The following GDPD4 variants were observed in gnomAD, a reference collection of about 807,000 sequenced individuals.
GDPD4 encodes glycerophosphodiester phosphodiesterase domain containing 4.
In GDPD4, 60 loss-of-function variants were observed where a neutral mutation model predicts 67.8. The ratio of observed to expected loss-of-function variants is 0.88; its 90% CI spans 0.72 to 1.10. The LOEUF is 1.10. Ranked by LOEUF, GDPD4 falls within the 50% of genes least tolerant of loss-of-function variation. GDPD4 has a pLI of 0.00. For missense variants in GDPD4, 623 were observed against 613.9 expected (o/e 1.01, Z -0.16); for synonymous variants, 212 against 210.9 (o/e 1.00, Z -0.04).
At chr11:77,243,460 G>C (rs1213822772) in intron 13 of GDPD4, among the ~76,000 whole-genome samples, 3 of 141,824 alleles carry the variant, frequency 2.1e-5, no homozygotes, top group South Asian at 4.7e-4. Context: ...GTACACAGCA[G>C]AGGCTAAAGT....
intron 14 of GDPD4, among the ~76,000 whole-genome samples, chr11:77,230,231 G>A (rs187183582): frequency 3.7e-4 from 57 of 152,226 alleles, no homozygotes; most frequent in African/African-American, 1.3e-3. Flanking sequence ...GCTCCAAGAG[G>A]CCTACCAGAT....
At chr11:77,279,672 T>C (rs965544825) in intron 3 of GDPD4, among the ~76,000 whole-genome samples, 1 of 152,074 alleles carries the variant, frequency 6.6e-6, no homozygotes, top group Non-Finnish European at 1.5e-5. Flanking sequence ...CTTTTAAAAA[T>C]TAACATAACA....
intron 1 of GDPD4, among the ~76,000 whole-genome samples, chr11:77,287,761 T>C (rs534902258): frequency 6.6e-6 from 1 of 152,314 alleles, no homozygotes; most frequent in East Asian, 1.9e-4. Flanking sequence ...AATATGCTGT[T>C]GAAATAACTT....
chr11:77,282,375 C>G (rs1959794031), intron 3 of GDPD4, among the ~76,000 whole-genome samples: 1 of 152,062 alleles, frequency 6.6e-6, no homozygotes, highest in Non-Finnish European at 1.5e-5. Context: ...GAACACAGGG[C>G]TGGGTGCGGT....
intron 16 of GDPD4, chr11:77,224,398 A>G (rs1958286891): frequency 6.6e-6 from 1 of 152,118 alleles, no homozygotes; most frequent in Non-Finnish European, 1.5e-5. Flanking sequence ...TAATTACTCC[A>G]ATGATTTACA....
intron 16 of GDPD4, among the ~76,000 whole-genome samples, chr11:77,220,375 T>A (rs1958204483): frequency 1.3e-5 from 2 of 152,210 alleles, no homozygotes; most frequent in South Asian, 4.1e-4. Context: ...TTGAGATATG[T>A]CCCATCAATA....
At chr11:77,294,295 T>C (rs574707680) in intron 1 of GDPD4, among the ~76,000 whole-genome samples, 2 of 152,360 alleles carry the variant, frequency 1.3e-5, no homozygotes, top group Admixed American at 6.5e-5. Context: ...CTGTCTGTAC[T>C]ATCTTTGTAA....
intron 10 of GDPD4, among the ~76,000 whole-genome samples, chr11:77,259,688 G>A (rs114609681): frequency 2.8e-3 from 423 of 152,166 alleles, no homozygotes; most frequent in African/African-American, 9.2e-3. Flanking sequence ...GCTGAAATGA[G>A]AAGAAAGAGA....
At chr11:77,221,695 G>T (rs1280237814) in intron 16 of GDPD4, among the ~76,000 whole-genome samples, 4 of 152,166 alleles carry the variant, frequency 2.6e-5, no homozygotes, top group Non-Finnish European at 4.4e-5. Flanking sequence ...GTGCTGAGAA[G>T]AATGTATATT....
intron 13 of GDPD4, among the ~76,000 whole-genome samples, chr11:77,240,878 T>C (rs1431171095): frequency 6.6e-6 from 1 of 152,124 alleles, no homozygotes; most frequent in African/African-American, 2.4e-5. Flanking sequence ...AGGAGATATC[T>C]CACACCTCTC....
At chr11:77,289,628 G>A (rs987502184) in intron 1 of GDPD4, among the ~76,000 whole-genome samples, 1 of 151,232 alleles carries the variant, frequency 6.6e-6, no homozygotes, top group Admixed American at 6.6e-5. Flanking sequence ...TTACTTGCGA[G>A]GCTGAGGCAG....
At chr11:77,279,029 T>C (rs1221711619) in intron 4 of GDPD4, among the ~76,000 whole-genome samples, 3 of 152,164 alleles carry the variant, frequency 2.0e-5, no homozygotes, top group African/African-American at 4.8e-5. Flanking sequence ...GGATAGGGTA[T>C]GAAACAAGGA....
chr11:77,269,146 C>A (rs1197713331), intron 8 of GDPD4, 77 bp from the exon 9 acceptor site: 1 of 1,368,548 alleles, frequency 7.3e-7, no homozygotes, highest in Non-Finnish European at 1.0e-6. Flanking sequence ...AGCAAAGCAG[C>A]AGTCTGAGTA....
At chr11:77,220,383 A>G (rs1958204711) in intron 16 of GDPD4, among the ~76,000 whole-genome samples, 1 of 152,338 alleles carries the variant, frequency 6.6e-6, no homozygotes, top group Non-Finnish European at 1.5e-5. Flanking sequence ...TGTCCCATCA[A>G]TAGCTAGTTT....
intron 16 of GDPD4, among the ~76,000 whole-genome samples, chr11:77,218,151 G>T (rs538151384): frequency 9.9e-5 from 15 of 151,662 alleles, no homozygotes; most frequent in Non-Finnish European, 1.8e-4. Flanking sequence ...GATTTGAATG[G>T]AATTTTTAGA....
chr11:77,277,846 C>G (rs1959562662), intron 4 of GDPD4, among the ~76,000 whole-genome samples: 1 of 151,766 alleles, frequency 6.6e-6, no homozygotes, highest in African/African-American at 2.4e-5. Context: ...AATTTTAGAT[C>G]TTTCCTGCTT....
chr11:77,290,967 C>CA (rs1310847994), intron 1 of GDPD4, among the ~76,000 whole-genome samples: 1 of 152,154 alleles, frequency 6.6e-6, no homozygotes, highest in African/African-American at 2.4e-5. Flanking sequence ...GGAGATTTCT[C>CA]AAAAAACTAA....
intron 16 of GDPD4, among the ~76,000 whole-genome samples, chr11:77,221,101 C>T (rs913525234): frequency 7.7e-5 from 3 of 39,204 alleles, no homozygotes; most frequent in East Asian, 4.5e-4. Context: ...TGGTGATATC[C>T]CCTTTAGCAT....
chr11:77,298,577 G>A (rs1001184981), intron 1 of GDPD4, among the ~76,000 whole-genome samples: 2 of 152,158 alleles, frequency 1.3e-5, no homozygotes. Flanking sequence ...GAAAGGGAAT[G>A]GTCATGTTAA....
Sources: gnomAD v4.1 joint callset for allele counts (sites outside exome capture counted in the v4.1 genomes callset) on GRCh38, gnomAD v4.1.1 for gene constraint, MANE v1.5 for transcripts, NCBI Gene and HGNC (gene_info 2026-07-23, HGNC 2026-07-21) for gene names.